DNAH11: variants seen among roughly 807,000 people sequenced by gnomAD.
The protein encoded by DNAH11 is dynein axonemal heavy chain 11, also known as axonemal beta dynein heavy chain 11.
Under a neutral mutation model 526.0 loss-of-function variants are expected in DNAH11, and 442 were observed. That is an observed-to-expected ratio of 0.84 (90% CI 0.78 to 0.91). DNAH11 has a LOEUF of 0.91. Among genes scored for constraint, DNAH11 ranks in the 40% least tolerant of loss-of-function variants. DNAH11 has a pLI of 0.00. For synonymous variants in DNAH11, 2,461 were observed against 1,935.9 expected, an observed-to-expected ratio of 1.27 and a Z score of -7.12; for missense variants, 6,989 against 5,448.7, an observed-to-expected ratio of 1.28 and a Z score of -8.90.
Position 21,864,799 on chromosome 7 carries a change from G to A in DNAH11, c.11496+142G>A, listed in dbSNP as rs544785565. 1.8e-3 allele frequency: 1,440 copies of A among 790,434 alleles called. 2 individuals carry two copies. The highest frequency in any genetic ancestry group is 2.2e-3 in the Non-Finnish European group (1,270 of 564,798). The allele number at this position is 790,434 out of a possible 1,614,324, so 49.0% of individuals were successfully genotyped here. ...GTAGAAATGCACTGTATAATGTGAT[G>A]TTATTAATCTTTGTATTATTCAATT... On this transcript the variant is annotated intron_variant, in intron 70 of 81. Transcript: ENST00000409508.
At chr7:21,694,419 A>G (rs902588277) in intron 35 of DNAH11, among the ~76,000 whole-genome samples, 1 of 152,074 alleles carries the variant, frequency 6.6e-6, no homozygotes, top group Non-Finnish European at 1.5e-5. Context: ...CTCATTGCTC[A>G]ACTGCCACTT....
chr7:21,811,149 C>T (rs1461892714), intron 63 of DNAH11, among the ~76,000 whole-genome samples: 1 of 152,062 alleles, frequency 6.6e-6, no homozygotes, highest in Non-Finnish European at 1.5e-5. Context: ...TGAACCTTGT[C>T]AATATTAGGC....
chr7:21,570,173 C>A lies in DNAH11; in HGVS notation c.1299C>A (p.Ser433=), dbSNP rs1783829160. Residue 433 remains serine (S), a synonymous_variant, in exon 7 of 82, where the codon TCC becomes TCA. Transcript: ENST00000409508. Reference sequence around the variant, plus strand: ...ACATCTTAAAGACTTTCAAAAACTCCTTTTTCAACTATAGAAAAAAATTGG... The same window carrying A: ...ACATCTTAAAGACTTTCAAAAACTCATTTTTCAACTATAGAAAAAAATTGG... ...AVNILKTFKN[S]FFNYRKKLAS... The A allele has an allele frequency of 6.2e-7, 1 of 1,613,260 alleles. No individual in the cohort carries two copies. Among genetic ancestry groups the A allele is most frequent in the African/African-American group, 1.3e-5 (1 of 74,852 alleles).
chr7:21,870,146 A>G (rs1783440113), intron 73 of DNAH11, among the ~76,000 whole-genome samples: 1 of 152,206 alleles, frequency 6.6e-6, no homozygotes. Flanking sequence ...GGAGAGCCTC[A>G]AGGCCACAGG....
rs141429295 is a variant in DNAH11 at position 21,837,967 on chromosome 7, C to A, written c.10692-4577C>A. ...CCCATAAATATGTATAATTATGTGT[C>A]AATTAAAAACAGTTTTTAAAAAAGT... is the stretch of plus-strand genomic sequence containing the variant. On this transcript the variant is annotated intron_variant, in intron 65 of 81. Coordinates refer to ENST00000409508, the MANE Select transcript of DNAH11 (RefSeq NM_001277115.2). Among the ~76,000 whole-genome samples, 391 of 152,166 alleles carry A rather than the reference C, an allele frequency of 2.6e-3. 1 individual carries two copies. Among genetic ancestry groups the A allele is most frequent in the African/African-American group, 8.9e-3 (371 of 41,510 alleles).
chr7:21,735,998 C>T (rs868310497), intron 46 of DNAH11, among the ~76,000 whole-genome samples, 154 bp downstream of exon 46: 5 of 152,206 alleles, frequency 3.3e-5, no homozygotes, highest in Middle Eastern at 6.8e-3. Flanking sequence ...GTTAAATATA[C>T]GTTGTTTAAA....
intron 70 of DNAH11, among the ~76,000 whole-genome samples, chr7:21,864,944 T>C (rs1783216859): frequency 1.3e-5 from 2 of 152,246 alleles, no homozygotes; most frequent in South Asian, 4.1e-4. Flanking sequence ...ATGAATATTT[T>C]TAAAAAGTTC....
At chr7:21,763,643 C>T (rs557441851) in intron 54 of DNAH11, among the ~76,000 whole-genome samples, 2 of 151,160 alleles carry the variant, frequency 1.3e-5, no homozygotes, top group South Asian at 4.2e-4. Context: ...TCCAGCAATC[C>T]CTCTTCTAGG....
At chr7:21,597,794 G>A (rs534000273) in intron 14 of DNAH11, among the ~76,000 whole-genome samples, 1 of 152,310 alleles carries the variant, frequency 6.6e-6, no homozygotes, top group South Asian at 2.1e-4. Context: ...TTAAGATGAG[G>A]AGACTTAACA....
chr7:21,890,168 G>A (rs1434274449), intron 76 of DNAH11, among the ~76,000 whole-genome samples: 2 of 152,162 alleles, frequency 1.3e-5, no homozygotes, highest in African/African-American at 4.8e-5. Flanking sequence ...TGAAAAGATT[G>A]AAATGCAGAT....
At chr7:21,709,896 C>G (rs1784398328) in intron 40 of DNAH11, among the ~76,000 whole-genome samples, 1 of 152,076 alleles carries the variant, frequency 6.6e-6, no homozygotes, top group African/African-American at 2.4e-5. Flanking sequence ...TGCATCAAAA[C>G]AGTTTTGCTC....
intron 41 of DNAH11, 138 bp from the exon 42 acceptor site, chr7:21,711,574 C>G (rs879895239): frequency 8.0e-7 from 1 of 1,245,758 alleles, no homozygotes. Flanking sequence ...GAGCTTAGAT[C>G]TTTATTCAGA....
intron 65 of DNAH11, among the ~76,000 whole-genome samples, chr7:21,840,483 A>T (rs988477766): frequency 6.6e-6 from 1 of 152,238 alleles, no homozygotes; most frequent in Non-Finnish European, 1.5e-5. Context: ...GACTGAGCCG[A>T]GACTGTTTGC....
At chr7:21,664,342 G>GT (rs935387613) in intron 30 of DNAH11, among the ~76,000 whole-genome samples, 14 of 151,206 alleles carry the variant, frequency 9.3e-5, no homozygotes, top group East Asian at 7.8e-4. Context: ...TTTATGTCTG[G>GT]TTTTTTTTCT....
intron 2 of DNAH11, among the ~76,000 whole-genome samples, chr7:21,551,827 C>G (rs1481996881): frequency 2.6e-5 from 4 of 152,032 alleles, no homozygotes; most frequent in Non-Finnish European, 4.4e-5. Context: ...CCATAGGAAA[C>G]CAGCTGGATT....
At chr7:21,593,363 G>C (rs1001663772) in intron 14 of DNAH11, among the ~76,000 whole-genome samples, 6 of 152,170 alleles carry the variant, frequency 3.9e-5, no homozygotes, top group Admixed American at 1.3e-4. Flanking sequence ...GGGCTGATGA[G>C]AGAATGGGGA....
At chr7:21,588,226 C>T (rs766442308) in intron 10 of DNAH11, 25 bp downstream of exon 10, 1 of 1,597,376 alleles carries the variant, frequency 6.3e-7, no homozygotes, top group South Asian at 1.1e-5. Flanking sequence ...AGGTTGGACA[C>T]ATTTACAATA....
At chr7:21,793,560 G>C (rs1788567155) in intron 61 of DNAH11, among the ~76,000 whole-genome samples, 3 of 151,466 alleles carry the variant, frequency 2.0e-5, no homozygotes, top group Admixed American at 1.3e-4. Context: ...AGGCTGCAGG[G>C]AGCCGAGATC....
chr7:21,846,618 T>C (rs941187911), intron 66 of DNAH11, among the ~76,000 whole-genome samples: 1 of 152,152 alleles, frequency 6.6e-6, no homozygotes, highest in Non-Finnish European at 1.5e-5. Context: ...GCTAATTTTT[T>C]GAGGATGTTC....
Sources: gnomAD v4.1 joint callset for allele counts (sites outside exome capture counted in the v4.1 genomes callset) on GRCh38, gnomAD v4.1.1 for gene constraint, MANE v1.5 for transcripts, NCBI Gene and HGNC (gene_info 2026-07-23, HGNC 2026-07-21) for gene names.